DCUN1D4: variants seen among roughly 807,000 people sequenced by gnomAD.
DCUN1D4 encodes defective in cullin neddylation 1 domain containing 4, also known as DCN1-like protein 4.
In DCUN1D4, 22 loss-of-function variants were observed where a neutral mutation model predicts 47.9. That is an observed-to-expected ratio of 0.46 (90% confidence interval 0.33 to 0.66). The LOEUF is 0.66. DCUN1D4 is among the 30% of genes least tolerant of loss of function. DCUN1D4 has a pLI of 0.02. For synonymous variants in DCUN1D4, 121 were observed against 112.2 expected (o/e 1.08, Z -0.50); for missense variants, 301 against 340.8 (o/e 0.88, Z 0.92).
intron 8 of DCUN1D4, among the ~76,000 whole-genome samples, chr4:51,902,660 A>G (rs1352957013): frequency 6.6e-6 from 1 of 152,136 alleles, no homozygotes; most frequent in African/African-American, 2.4e-5. Context: ...TTTCTTATGG[A>G]TAGCATGTGG....
intron 3 of DCUN1D4, among the ~76,000 whole-genome samples, chr4:51,869,048 C>T (rs1339388288): frequency 3.0e-5 from 4 of 132,974 alleles, no homozygotes; most frequent in South Asian, 2.6e-4. Context: ...AATCTGGACC[C>T]GGGGGGCCGA....
rs186938693 is a variant in DCUN1D4, at chr4:51,877,857, A to T, written c.343+3A>T. ...GGAATGGTTCTATGAATATGCAGGT[A>T]GGTATTCATTTGTATCATCTAAGAC... On this transcript the variant is annotated splice_donor_region_variant and intron_variant, in intron 5 of 10. Transcript: ENST00000334635. The T allele has an allele frequency of 5.2e-4, 825 of 1,585,972 alleles. 1 individual carries two copies. The highest frequency in any genetic ancestry group is 4.2e-3 in the Middle Eastern group (25 of 5,988).
intron 3 of DCUN1D4, among the ~76,000 whole-genome samples, chr4:51,868,710 C>T (rs1438444091): frequency 2.0e-5 from 3 of 152,192 alleles, no homozygotes; most frequent in Admixed American, 2.0e-4. Context: ...TCCTGCTCTG[C>T]CTCCTCTCAG....
At chr4:51,853,511 T>A (rs184636978) in intron 1 of DCUN1D4, among the ~76,000 whole-genome samples, 55 of 152,256 alleles carry the variant, frequency 3.6e-4, no homozygotes, top group African/African-American at 1.3e-3. Context: ...GGTGAATGAG[T>A]TAGATTCCTG....
intron 1 of DCUN1D4, chr4:51,848,279 C>G: frequency 7.8e-7 from 1 of 1,289,224 alleles, no homozygotes; most frequent in South Asian, 1.2e-5. Context: ...GCTGAGGGAA[C>G]AGAAGGAGTG....
upstream of DCUN1D4, among the ~76,000 whole-genome samples, chr4:51,841,186 C>A (rs1214040278): frequency 6.6e-6 from 1 of 151,818 alleles, no homozygotes; most frequent in Non-Finnish European, 1.5e-5. Context: ...GAAGGAAGCC[C>A]TTTTCTGTGC....
At chr4:51,889,903 T>A (rs2110059724) in intron 6 of DCUN1D4, among the ~76,000 whole-genome samples, 1 of 152,312 alleles carries the variant, frequency 6.6e-6, no homozygotes, top group Non-Finnish European at 1.5e-5. Context: ...TCATTACTAA[T>A]CAGTCCTAGT....
At chr4:51,862,576 C>T (rs1725239820) in intron 1 of DCUN1D4, among the ~76,000 whole-genome samples, 2 of 152,130 alleles carry the variant, frequency 1.3e-5, no homozygotes, top group Admixed American at 6.5e-5. Flanking sequence ...CATTTTCATA[C>T]TAACCTTTAA....
chr4:51,891,842 C>T lies in DCUN1D4; in HGVS notation c.497C>T (p.Thr166Ile). 1 of 1,609,960 alleles carries T rather than the reference C, an allele frequency of 6.2e-7. No individual in the cohort carries two copies. The highest frequency in any genetic ancestry group is 8.5e-7 in the Non-Finnish European group (1 of 1,177,934). ...CTACAGGAGTGGTTAAAAGGAATGA[C>T]TTCTCTCCAGTAAGTCCTAGGCTGC... ...FTLQEWLKGM[T>I]SLQCDTTEKL... The change falls in exon 7 of 11, where the codon ACT becomes ATT. Residue 166 changes from threonine (T) to isoleucine (I), a missense_variant. Thr to Ile is a moderately conservative substitution (Grantham distance 89). This residue lies in a region of DCUN1D4 where 170 missense variants were observed against 234.5 expected (regional missense o/e 0.73). Coordinates refer to ENST00000334635, the MANE Select transcript of DCUN1D4 (RefSeq NM_001040402.3).
intron 1 of DCUN1D4, among the ~76,000 whole-genome samples, chr4:51,846,243 A>G (rs1560446625): frequency 1.3e-5 from 2 of 151,824 alleles, no homozygotes; most frequent in Non-Finnish European, 2.9e-5. Flanking sequence ...GAGGTCCTTT[A>G]TTTTCTTGTG....
At chr4:51,910,443 T>C (rs921251697) in intron 8 of DCUN1D4, among the ~76,000 whole-genome samples, 2 of 152,194 alleles carry the variant, frequency 1.3e-5, no homozygotes, top group African/African-American at 4.8e-5. Flanking sequence ...GAAATCTATC[T>C]ATCTATCTGT....
intron 6 of DCUN1D4, chr4:51,886,986 A>G (rs1577979423): frequency 2.4e-6 from 1 of 424,128 alleles, no homozygotes; most frequent in East Asian, 6.5e-5. Flanking sequence ...TAGTTGTTTT[A>G]GCCTAATGTA....
At chr4:51,873,040 A>G (rs1000598532) in intron 3 of DCUN1D4, among the ~76,000 whole-genome samples, 34 of 152,246 alleles carry the variant, frequency 2.2e-4, no homozygotes, top group African/African-American at 8.0e-4. Context: ...CAAATGGCGA[A>G]TGAGAGACCC....
chr4:51,866,179 A>T (rs753839312), intron 3 of DCUN1D4, among the ~76,000 whole-genome samples: 1 of 152,192 alleles, frequency 6.6e-6, no homozygotes, highest in Non-Finnish European at 1.5e-5. Flanking sequence ...ATATAGATCA[A>T]CTCAAGGACA....
At chr4:51,860,882 A>C (rs1169950139) in intron 1 of DCUN1D4, among the ~76,000 whole-genome samples, 1 of 152,198 alleles carries the variant, frequency 6.6e-6, no homozygotes, top group Non-Finnish European at 1.5e-5. Context: ...GTACCAGGCC[A>C]CCTGCCTCAA....
intron 7 of DCUN1D4, among the ~76,000 whole-genome samples, chr4:51,898,202 T>C (rs1731554255): frequency 6.6e-6 from 1 of 152,154 alleles, no homozygotes; most frequent in Admixed American, 6.5e-5. Context: ...GGGAGCTATA[T>C]GGGAGGAGCT....
intron 3 of DCUN1D4, among the ~76,000 whole-genome samples, chr4:51,864,165 A>G (rs1273745368): frequency 6.6e-6 from 1 of 152,174 alleles, no homozygotes; most frequent in Non-Finnish European, 1.5e-5. Flanking sequence ...TGGTTCTCAG[A>G]GTTTAGCTGG....
intron 1 of DCUN1D4, among the ~76,000 whole-genome samples, chr4:51,860,970 G>T (rs145341687): frequency 1.1e-4 from 16 of 152,326 alleles, no homozygotes; most frequent in African/African-American, 3.8e-4. Context: ...GACTATTTTA[G>T]ACAGCTGTGT....
chr4:51,862,236 A>G (rs1166278474), intron 1 of DCUN1D4, among the ~76,000 whole-genome samples: 1 of 152,220 alleles, frequency 6.6e-6, no homozygotes, highest in Non-Finnish European at 1.5e-5. Flanking sequence ...GCTGTTCCTG[A>G]CACTGCATGT....
Sources: gnomAD v4.1 joint callset for allele counts (sites outside exome capture counted in the v4.1 genomes callset) on GRCh38, gnomAD v4.1.1 for gene constraint, gnomAD v4.1.1 regional missense constraint, MANE v1.5 for transcripts, NCBI Gene and HGNC (gene_info 2026-07-23, HGNC 2026-07-21) for gene names.